THEMIS: variants seen among roughly 807,000 people sequenced by gnomAD.
THEMIS encodes the protein protein THEMIS.
THEMIS carries 37 observed loss-of-function variants against 52.6 expected under a neutral mutation model. That is an observed-to-expected ratio of 0.70 (90% CI 0.54 to 0.93). THEMIS has a LOEUF of 0.93. Ranked by LOEUF, THEMIS falls within the 40% of genes least tolerant of loss-of-function variation. The probability of loss-of-function intolerance (pLI) is 0.00; values close to 1 mark genes in which losing one functional copy is unlikely to be tolerated. For synonymous variants in THEMIS, 292 were observed against 272.7 expected (o/e 1.07, Z -0.70); for missense variants, 808 against 763.1 (o/e 1.06, Z -0.69).
intron 2 of THEMIS, among the ~76,000 whole-genome samples, chr6:127,830,555 G>A (rs533538704): frequency 1.1e-4 from 16 of 151,866 alleles, no homozygotes; most frequent in South Asian, 2.1e-4. Flanking sequence ...GTATATTGGC[G>A]TGCACCTTCA....
intron 1 of THEMIS, among the ~76,000 whole-genome samples, chr6:127,861,766 A>G (rs1411045623): frequency 7.0e-6 from 1 of 143,646 alleles, no homozygotes; most frequent in Non-Finnish European, 1.5e-5. Context: ...CCTGGGTGAC[A>G]CAGTAAGACT....
At chr6:127,725,309 A>G (rs571565572) in intron 4 of THEMIS, among the ~76,000 whole-genome samples, 2 of 152,226 alleles carry the variant, frequency 1.3e-5, no homozygotes, top group Non-Finnish European at 2.9e-5. Context: ...AACAATGACA[A>G]TAATTCAGAG....
intron 1 of THEMIS, among the ~76,000 whole-genome samples, chr6:127,898,547 A>T (rs1021958245): frequency 1.3e-5 from 2 of 151,708 alleles, no homozygotes; most frequent in Admixed American, 6.6e-5. Context: ...ACTCGATGGG[A>T]ATGTGTATCA....
chr6:127,801,972 T>C (rs1777550843), intron 4 of THEMIS, among the ~76,000 whole-genome samples: 1 of 152,118 alleles, frequency 6.6e-6, no homozygotes, highest in Non-Finnish European at 1.5e-5. Flanking sequence ...GGAAGGAACA[T>C]ACAGTTGGAT....
At chr6:127,886,325 C>T (rs901710504) in intron 1 of THEMIS, among the ~76,000 whole-genome samples, 3 of 151,994 alleles carry the variant, frequency 2.0e-5, no homozygotes, top group Non-Finnish European at 4.4e-5. Context: ...GGATTATAGA[C>T]CCAAAGATAA....
chr6:127,722,575 T>C (rs1213830192), intron 4 of THEMIS, among the ~76,000 whole-genome samples: 1 of 151,994 alleles, frequency 6.6e-6, no homozygotes, highest in Non-Finnish European at 1.5e-5. Flanking sequence ...TCTACCTTCT[T>C]ACCCTGACGA....
chr6:127,712,205 G>C (rs1227245749), intron 5 of THEMIS, among the ~76,000 whole-genome samples: 2 of 151,804 alleles, frequency 1.3e-5, no homozygotes, highest in Non-Finnish European at 2.9e-5. Flanking sequence ...TGGGAGTTGA[G>C]GTAATTAAAA....
chr6:127,747,846 T>C (rs1423505882), intron 4 of THEMIS, among the ~76,000 whole-genome samples: 1 of 152,092 alleles, frequency 6.6e-6, no homozygotes, highest in Admixed American at 6.6e-5. Flanking sequence ...TCCCTGATTT[T>C]CTCCCATTCT....
chr6:127,730,503 A>C (rs1774754239), intron 4 of THEMIS, among the ~76,000 whole-genome samples: 1 of 150,936 alleles, frequency 6.6e-6, no homozygotes, highest in Non-Finnish European at 1.5e-5. Context: ...AAAGAAATGA[A>C]AAAGAAGGAA....
At chr6:127,843,866 A>C (rs1467860522) in intron 2 of THEMIS, among the ~76,000 whole-genome samples, 1 of 152,022 alleles carries the variant, frequency 6.6e-6, no homozygotes, top group Non-Finnish European at 1.5e-5. Context: ...GAAGCCTCCC[A>C]GAACAGCCAT....
chr6:127,860,112 A>G (rs1180447644), intron 1 of THEMIS, among the ~76,000 whole-genome samples: 1 of 152,166 alleles, frequency 6.6e-6, no homozygotes, highest in Non-Finnish European at 1.5e-5. Flanking sequence ...AATGAAGTTC[A>G]AAAGAGGCCA....
At chr6:127,793,529 T>G (rs1372611837) in intron 4 of THEMIS, among the ~76,000 whole-genome samples, 3 of 152,072 alleles carry the variant, frequency 2.0e-5, no homozygotes, top group Non-Finnish European at 4.4e-5. Flanking sequence ...AAATCAAGCA[T>G]TACAGACAAG....
intron 1 of THEMIS, among the ~76,000 whole-genome samples, chr6:127,906,788 G>T (rs968390872): frequency 2.6e-5 from 4 of 151,834 alleles, no homozygotes; most frequent in Non-Finnish European, 4.4e-5. Flanking sequence ...ATTATAGTTA[G>T]TATCATTATT....
At chr6:127,769,759 C>T (rs1461463872) in intron 4 of THEMIS, among the ~76,000 whole-genome samples, 1 of 152,038 alleles carries the variant, frequency 6.6e-6, no homozygotes, top group African/African-American at 2.4e-5. Context: ...AGGTATTTCT[C>T]CTGACGCTAC....
intron 1 of THEMIS, among the ~76,000 whole-genome samples, chr6:127,891,538 C>CAAAAAAAAAAAAAAAAAAAAAA (rs67886431): frequency 1.0e-5 from 1 of 96,836 alleles, no homozygotes; most frequent in African/African-American, 3.9e-5. Flanking sequence ...TCCAGCTCAA[C>CAAAAAAAAAAAAAAAAAAAAAA]AAAAAAAAAA....
chr6:127,739,999 A>G (rs1207668529), intron 4 of THEMIS, among the ~76,000 whole-genome samples: 1 of 152,078 alleles, frequency 6.6e-6, no homozygotes, highest in East Asian at 1.9e-4. Context: ...GCCCATGTCA[A>G]TTTTCTCCAG....
chr6:127,786,583 CCT>C (rs1411696148), intron 4 of THEMIS, among the ~76,000 whole-genome samples: 7 of 152,066 alleles, frequency 4.6e-5, no homozygotes, highest in African/African-American at 1.4e-4. Flanking sequence ...CTTTCTTAAG[CCT>C]CACAACAATT....
intron 1 of THEMIS, among the ~76,000 whole-genome samples, chr6:127,889,902 A>G (rs913942760): frequency 6.6e-6 from 1 of 152,144 alleles, no homozygotes; most frequent in African/African-American, 2.4e-5. Context: ...ATAACGTCAC[A>G]AGATGCCAAC....
At position 127,900,909 on chromosome 6, in the gene THEMIS, G is replaced by A. The variant is rs267600796; in HGVS notation, c.24C>T (p.Phe8=). The A allele has an allele frequency of 6.1e-5, 99 of 1,612,942 alleles. No individual in the cohort carries two copies. The South Asian group carries it at 7.2e-4, about 12-fold the overall frequency. The change falls in exon 1 of 6, where the codon TTC becomes TTT. Residue 8 remains phenylalanine (F), a synonymous_variant. Transcript: ENST00000368248. MALSLEE[F]VHSLDLRTLP... is the part of the protein sequence containing the mutation. ...GGGTCCTGAGGTCAAGGGAGTGGAC[G>A]AATTCTTCCAGTGATAATGCCATTG...
Sources: allele counts gnomAD v4.1 joint callset (sites outside exome capture counted in the v4.1 genomes callset), GRCh38; gene constraint gnomAD v4.1.1; transcripts MANE v1.5; gene names NCBI Gene and HGNC (gene_info 2026-07-23, HGNC 2026-07-21).